The following SORCS1 variants were observed in gnomAD, a reference collection of about 807,000 sequenced individuals.
SORCS1 encodes the protein sortilin related VPS10 domain containing receptor 1, also known as VPS10 domain-containing receptor SorCS1.
In SORCS1, 60 loss-of-function variants were observed where a neutral mutation model predicts 146.1. The ratio of observed to expected loss-of-function variants is 0.41; its 90% CI spans 0.33 to 0.51. SORCS1 has a LOEUF of 0.51. Ranked by LOEUF, SORCS1 falls within the 20% of genes least tolerant of loss-of-function variation. SORCS1 has a pLI of 0.21. For missense variants in SORCS1, 1,352 were observed against 1,487.6 expected (o/e 0.91, Z 1.50); for synonymous variants, 637 against 584.0 (o/e 1.09, Z -1.31).
At chr10:106,928,105 G>A (rs1343376421) in intron 2 of SORCS1, among the ~76,000 whole-genome samples, 2 of 152,254 alleles carry the variant, frequency 1.3e-5, no homozygotes, top group Non-Finnish European at 2.9e-5. Context: ...CCGTGCACCC[G>A]CACTCCTCAG....
At chr10:106,869,781 C>A (rs1950340912) in intron 2 of SORCS1, among the ~76,000 whole-genome samples, 1 of 152,072 alleles carries the variant, frequency 6.6e-6, no homozygotes, top group African/African-American at 2.4e-5. Flanking sequence ...TAAACCAGCA[C>A]AAGACAAGGA....
intron 4 of SORCS1, among the ~76,000 whole-genome samples, chr10:106,772,942 A>G (rs954760459): frequency 6.6e-6 from 1 of 152,160 alleles, no homozygotes; most frequent in African/African-American, 2.4e-5. Context: ...GGAGAGAAAA[A>G]GCAATGTCAG....
At chr10:106,977,936 T>C (rs1956101073) in intron 1 of SORCS1, among the ~76,000 whole-genome samples, 1 of 152,242 alleles carries the variant, frequency 6.6e-6, no homozygotes, top group Admixed American at 6.5e-5. Context: ...GTGCGCATGA[T>C]ATGTTTGTGG....
chr10:106,814,639 G>A (rs1303414894), intron 3 of SORCS1, among the ~76,000 whole-genome samples: 1 of 152,056 alleles, frequency 6.6e-6, no homozygotes, highest in Non-Finnish European at 1.5e-5. Flanking sequence ...TCTTGGCCGG[G>A]CGCAGTCGCT....
chr10:107,112,673 T>TA (rs919804178), intron 1 of SORCS1, among the ~76,000 whole-genome samples: 48 of 151,400 alleles, frequency 3.2e-4, no homozygotes, highest in African/African-American at 8.2e-4. Flanking sequence ...AGACTGAAAG[T>TA]AAAAAAATAG....
chr10:106,716,591 T>C (rs776288614), intron 6 of SORCS1, among the ~76,000 whole-genome samples: 4 of 152,234 alleles, frequency 2.6e-5, no homozygotes, highest in Admixed American at 6.5e-5. Context: ...AACTCCTGGC[T>C]GATTCCCTAT....
intron 1 of SORCS1, among the ~76,000 whole-genome samples, chr10:107,013,014 T>A (rs1259789578): frequency 6.6e-6 from 1 of 152,198 alleles, no homozygotes; most frequent in Non-Finnish European, 1.5e-5. Context: ...TCTGTCAATG[T>A]GTCCAATTTT....
At chr10:107,064,839 T>A (rs1032581679) in intron 1 of SORCS1, among the ~76,000 whole-genome samples, 44 of 152,222 alleles carry the variant, frequency 2.9e-4, no homozygotes, top group Non-Finnish European at 8.8e-5. Context: ...ATGATCTCCA[T>A]CCATCTTCAA....
intron 3 of SORCS1, among the ~76,000 whole-genome samples, chr10:106,795,859 A>G (rs1443631006): frequency 1.3e-5 from 2 of 152,176 alleles, no homozygotes; most frequent in Non-Finnish European, 1.5e-5. Flanking sequence ...GCCACTGTCT[A>G]GTTCTAAGAC....
At chr10:107,164,854 C>G (rs931185936), upstream of SORCS1, among the ~76,000 whole-genome samples, 1 of 145,558 alleles carries the variant, frequency 6.9e-6, no homozygotes, top group South Asian at 2.1e-4. This position sits in a 1 kb window ranked among gnomAD's most constrained non-coding sequence, Gnocchi z 6.8. Flanking sequence ...GTCCCGCGGC[C>G]GAGCTGCGCT....
chr10:107,086,369 G>A (rs1329606953), intron 1 of SORCS1, among the ~76,000 whole-genome samples: 1 of 152,122 alleles, frequency 6.6e-6, no homozygotes, highest in Non-Finnish European at 1.5e-5. Context: ...TTAAAGACAA[G>A]TTTTTAATAA....
At chr10:107,007,442 T>C (rs1482008098) in intron 1 of SORCS1, among the ~76,000 whole-genome samples, 9 of 152,286 alleles carry the variant, frequency 5.9e-5, no homozygotes, top group Middle Eastern at 3.4e-3. Context: ...AGTGGAAAGA[T>C]GTCCCCTGGC....
At chr10:106,784,389 C>T (rs1336353669) in intron 3 of SORCS1, among the ~76,000 whole-genome samples, 3 of 127,876 alleles carry the variant, frequency 2.3e-5, no homozygotes, top group African/African-American at 5.9e-5. Context: ...AGGGAGACTC[C>T]GTCAAAAAAA....
At chr10:106,935,238 G>T (rs569764430) in intron 2 of SORCS1, among the ~76,000 whole-genome samples, 2 of 152,142 alleles carry the variant, frequency 1.3e-5, no homozygotes, top group South Asian at 2.1e-4. Flanking sequence ...CTACCTCTTA[G>T]AATGTGCCTA....
At chr10:106,830,196 A>C (rs1313821725) in intron 2 of SORCS1, among the ~76,000 whole-genome samples, 1 of 152,194 alleles carries the variant, frequency 6.6e-6, no homozygotes, top group Admixed American at 6.5e-5. Flanking sequence ...CATGAATTTC[A>C]TACTCCATAG....
At chr10:107,068,296 T>C (rs1443208403) in intron 1 of SORCS1, among the ~76,000 whole-genome samples, 4 of 152,176 alleles carry the variant, frequency 2.6e-5, no homozygotes, top group Non-Finnish European at 5.9e-5. Context: ...ATTTCCTCAC[T>C]GAGGCAACTG....
chr10:106,768,503 G>A (rs1046136252), intron 4 of SORCS1, among the ~76,000 whole-genome samples: 4 of 152,152 alleles, frequency 2.6e-5, no homozygotes, highest in Non-Finnish European at 5.9e-5. Context: ...ACATTAAGGG[G>A]CTGCTAGGTC....
At chr10:106,582,138 T>TAC (rs59775337) in intron 24 of SORCS1, among the ~76,000 whole-genome samples, 36,670 of 149,146 alleles carry the variant, frequency 0.25, 5,066 homozygotes, top group East Asian at 0.59. Flanking sequence ...CACAAACACA[T>TAC]ACACACACAC....
intron 1 of SORCS1, among the ~76,000 whole-genome samples, chr10:107,098,207 A>G (rs1481616430): frequency 6.6e-6 from 1 of 152,204 alleles, no homozygotes; most frequent in Non-Finnish European, 1.5e-5. Context: ...GATGTTTCTC[A>G]GTATGTCTTT....
Sources: gnomAD v4.1 joint callset for allele counts (sites outside exome capture counted in the v4.1 genomes callset) on GRCh38, gnomAD v4.1.1 for gene constraint, Gnocchi (gnomAD v3.1) non-coding constraint, MANE v1.5 for transcripts, NCBI Gene and HGNC (gene_info 2026-07-23, HGNC 2026-07-21) for gene names.